CTNNA2: variants seen among roughly 807,000 people sequenced by gnomAD.
CTNNA2 encodes the protein catenin alpha 2.
In CTNNA2, 42 loss-of-function variants were observed where a neutral mutation model predicts 101.0. The observed-to-expected ratio is 0.42, with a 90% CI of 0.32 to 0.54. The LOEUF (loss-of-function observed/expected upper bound fraction) is 0.54, where lower values mean the gene tolerates loss of function less well. Among genes scored for constraint, CTNNA2 ranks in the 20% least tolerant of loss-of-function variants. CTNNA2 has a pLI of 0.14. For missense variants in CTNNA2, 871 were observed against 1,223.1 expected, an observed-to-expected ratio of 0.71 and a Z score of 4.29; for synonymous variants, 450 against 456.4, an observed-to-expected ratio of 0.99 and a Z score of 0.18.
chr2:80,200,055 A>G (rs1311166604), intron 7 of CTNNA2, among the ~76,000 whole-genome samples: 1 of 152,226 alleles, frequency 6.6e-6, no homozygotes, highest in African/African-American at 2.4e-5. Flanking sequence ...AAACAACTCG[A>G]CAGCCAGTTC....
intron 9 of CTNNA2, among the ~76,000 whole-genome samples, chr2:80,522,190 A>G (rs1454860339): frequency 1.3e-5 from 2 of 152,120 alleles, no homozygotes; most frequent in East Asian, 3.9e-4. Flanking sequence ...ATGGAGCTCT[A>G]CTCATTTGCA....
chr2:80,612,526 A>G (rs1195523907), intron 17 of CTNNA2, among the ~76,000 whole-genome samples: 1 of 151,582 alleles, frequency 6.6e-6, no homozygotes, highest in Non-Finnish European at 1.5e-5. Context: ...GATAAGTATA[A>G]ACTATCTGAT....
chr2:80,330,049 C>T (rs1378956532), intron 7 of CTNNA2, among the ~76,000 whole-genome samples: 3 of 152,232 alleles, frequency 2.0e-5, no homozygotes, highest in Non-Finnish European at 4.4e-5. Flanking sequence ...CTCCTTGAGT[C>T]TGGTCCCTTC....
rs146331344 is a variant in CTNNA2 at position 80,247,322 on chromosome 2, C to T, written c.1057-145889C>T. On this transcript the variant is annotated intron_variant, in intron 7 of 18. Transcript: ENST00000402739. ...CTCATAATAACTGTGTTTGCTGTAC[C>T]GCTTTGACCAGTACTTTTAAACCTC... 3.3e-4 allele frequency among the ~76,000 whole-genome samples: 50 copies of T among 152,258 alleles called. No individual in the cohort carries two copies. The East Asian group carries it at 7.4e-3, about 22-fold the overall frequency.
At chr2:79,230,915 C>G (rs1674483972) in intron 2 of CTNNA2, among the ~76,000 whole-genome samples, 2 of 152,162 alleles carry the variant, frequency 1.3e-5, no homozygotes, top group Non-Finnish European at 2.9e-5. Context: ...CCTATAGCCC[C>G]TTTGTTTTGG....
In CTNNA2 at chr2:80,439,913, A is replaced by G. The variant is rs191842410; in HGVS notation, c.1290+20312A>G. Among the ~76,000 whole-genome samples the G allele has an allele frequency of 4.0e-4, 61 of 152,316 alleles. 1 individual carries two copies. Among genetic ancestry groups the G allele is most frequent in the Admixed American group, 3.2e-3 (49 of 15,294 alleles). On this transcript the variant is annotated intron_variant, in intron 9 of 18. Coordinates refer to ENST00000402739, the MANE Select transcript of CTNNA2 (RefSeq NM_001282597.3). ...CTACTATGTGCCAATAGTATTCTGA[A>G]TATGTGAGATGTGTCAATGAACAAA...
chr2:79,972,936 G>A (rs1353353960), intron 7 of CTNNA2, among the ~76,000 whole-genome samples: 1 of 152,066 alleles, frequency 6.6e-6, no homozygotes, highest in Non-Finnish European at 1.5e-5. Flanking sequence ...CTGTTGGCAT[G>A]GTAACGTGAC....
chr2:80,241,396 A>T, intron 7 of CTNNA2, among the ~76,000 whole-genome samples: 1 of 151,758 alleles, frequency 6.6e-6, no homozygotes, highest in East Asian at 1.9e-4. Context: ...ACTAGATGGC[A>T]CAGTGATTCT....
At chr2:80,289,848 C>T (rs906159913) in intron 7 of CTNNA2, among the ~76,000 whole-genome samples, 7 of 152,150 alleles carry the variant, frequency 4.6e-5, no homozygotes, top group African/African-American at 1.7e-4. Context: ...AGTGTACTTG[C>T]CTCCCTGCTC....
chr2:80,303,380 T>C lies in CTNNA2; in HGVS notation c.1057-89831T>C. On this transcript the variant is annotated intron_variant, in intron 7 of 18. Transcript: ENST00000402739. This position sits in a 1 kb window ranked among gnomAD's most constrained non-coding sequence, Gnocchi z 7.7. ...GTCGGGCGCGAGCGCCTGCAGCTTG[T>C]TGTACGAGAGGTCCACGCTGCGCAG... is the stretch of plus-strand genomic sequence containing the variant. The C allele has an allele frequency of 6.2e-7, 1 of 1,614,142 alleles. No individual in the cohort carries two copies. Among genetic ancestry groups the C allele is most frequent in the Non-Finnish European group, 8.5e-7 (1 of 1,180,036 alleles).
chr2:79,497,410 C>T (rs149454056), intron 4 of CTNNA2, among the ~76,000 whole-genome samples: 101 of 152,318 alleles, frequency 6.6e-4, no homozygotes, highest in Non-Finnish European at 1.0e-3. Flanking sequence ...TGACCCATCT[C>T]GTTCTTAGTA....
chr2:79,316,447 T>A (rs6753953), intron 3 of CTNNA2, among the ~76,000 whole-genome samples: 38,847 of 151,884 alleles, frequency 0.26, 5,227 homozygotes, highest in Middle Eastern at 0.38. Flanking sequence ...TTTAGGATTT[T>A]CTTGTCAATT....
chr2:79,975,405 C>A (rs948910599), intron 7 of CTNNA2, among the ~76,000 whole-genome samples: 3 of 152,118 alleles, frequency 2.0e-5, no homozygotes, highest in Non-Finnish European at 4.4e-5. Context: ...GAGTTTCCCC[C>A]CACACACTAA....
chr2:79,760,111 A>G (rs112567100), intron 3 of CTNNA2, among the ~76,000 whole-genome samples: 3,376 of 152,290 alleles, frequency 0.022, 104 homozygotes, highest in African/African-American at 0.076. Context: ...AATGTCTCAT[A>G]GGCCTCAGTT....
chr2:79,208,245 G>T (rs1056473593), intron 2 of CTNNA2, among the ~76,000 whole-genome samples: 2 of 152,106 alleles, frequency 1.3e-5, no homozygotes, highest in Non-Finnish European at 2.9e-5. Context: ...TTTAGTATTT[G>T]CAAGGGGTAA....
At chr2:80,547,923 C>T (rs1293961486) in intron 11 of CTNNA2, among the ~76,000 whole-genome samples, 1 of 151,808 alleles carries the variant, frequency 6.6e-6, no homozygotes, top group Non-Finnish European at 1.5e-5. Context: ...AACTCCGGAC[C>T]TCAGGTGATC....
chr2:80,080,443 T>C (rs919465873), intron 7 of CTNNA2, among the ~76,000 whole-genome samples: 1 of 152,158 alleles, frequency 6.6e-6, no homozygotes, highest in Non-Finnish European at 1.5e-5. Context: ...GACCTGTACT[T>C]TACTAAATGT....
chr2:79,879,383 G>A (rs1026946276), intron 6 of CTNNA2, among the ~76,000 whole-genome samples: 2 of 152,030 alleles, frequency 1.3e-5, no homozygotes, highest in African/African-American at 2.4e-5. Flanking sequence ...GATGGAAGTA[G>A]CATTTATTCT....
At chr2:80,156,575 A>G (rs1326990965) in intron 7 of CTNNA2, among the ~76,000 whole-genome samples, 1 of 152,240 alleles carries the variant, frequency 6.6e-6, no homozygotes, top group Admixed American at 6.5e-5. Context: ...GTGCTCACAC[A>G]TCATGTCCCC....
Sources: allele counts gnomAD v4.1 joint callset (sites outside exome capture counted in the v4.1 genomes callset), GRCh38; gene constraint gnomAD v4.1.1; non-coding constraint Gnocchi (gnomAD v3.1); transcripts MANE v1.5; gene names NCBI Gene and HGNC (gene_info 2026-07-23, HGNC 2026-07-21).